The following LRRK1 variants were observed in gnomAD, a reference collection of about 807,000 sequenced individuals.
The protein encoded by LRRK1 is leucine-rich repeat serine/threonine-protein kinase 1.
A neutral mutation model predicts 209.1 loss-of-function variants in LRRK1; 113 were observed. The observed-to-expected ratio is 0.54, with a 90% confidence interval of 0.46 to 0.63. LRRK1 has a LOEUF of 0.63. Ranked by LOEUF, LRRK1 falls within the 30% of genes least tolerant of loss-of-function variation. The pLI is 0.00. For synonymous variants in LRRK1, 1,144 were observed against 1,099.7 expected (o/e 1.04, Z -0.80); for missense variants, 2,284 against 2,632.2 (o/e 0.87, Z 2.89).
Position 101,049,641 on chromosome 15 carries a change from C to T in LRRK1, c.3300-3C>T. 1 of 1,613,244 alleles carries T rather than the reference C, an allele frequency of 6.2e-7. No individual in the cohort carries two copies. Among genetic ancestry groups the T allele is most frequent in the South Asian group, 1.1e-5 (1 of 90,924 alleles). On this transcript the variant is annotated splice_polypyrimidine_tract_variant and splice_region_variant and intron_variant, in intron 22 of 33. Coordinates refer to ENST00000388948, the MANE Select transcript of LRRK1 (RefSeq NM_024652.6). ...TGGGCTCCTTTTGGTCTCTGGATTG[C>T]AGTGTGGAATCTTCCGACGTGAACT...
intron 12 of LRRK1, among the ~76,000 whole-genome samples, chr15:101,018,636 T>C (rs374283578): frequency 5.9e-5 from 9 of 152,238 alleles, no homozygotes; most frequent in African/African-American, 2.2e-4. Flanking sequence ...AAAAGCACCA[T>C]AGGACTACGC....
In LRRK1 at chr15:101,035,921, G is replaced by T. The variant is rs74473392; in HGVS notation, c.2963+6689G>T. ...GGATCCCTTGAGCAGTTCTTATAGG[G>T]CCAGTCTATTAGTGACATAAGGTTT... On this transcript the variant is annotated intron_variant, in intron 20 of 33. Coordinates refer to ENST00000388948, the MANE Select transcript of LRRK1 (RefSeq NM_024652.6). Among the ~76,000 whole-genome samples the T allele has an allele frequency of 7.2e-4, 109 of 152,220 alleles. 3 individuals carry two copies. In the East Asian group the frequency reaches 0.019, roughly 27 times the overall value.
At chr15:101,052,282 C>T (rs911722971) in intron 24 of LRRK1, among the ~76,000 whole-genome samples, 5 of 152,252 alleles carry the variant, frequency 3.3e-5, no homozygotes, top group African/African-American at 7.2e-5. Flanking sequence ...CTCCTTTCCA[C>T]TCCTACCTCC....
intron 6 of LRRK1, among the ~76,000 whole-genome samples, chr15:101,007,528 C>T (rs766564413): frequency 1.5e-4 from 23 of 152,230 alleles, no homozygotes; most frequent in Non-Finnish European, 3.1e-4. Flanking sequence ...GGAGCAAAGA[C>T]ATTTTGTTTA....
chr15:100,929,427 T>C (rs1211665051), intron 2 of LRRK1, among the ~76,000 whole-genome samples: 1 of 152,242 alleles, frequency 6.6e-6, no homozygotes, highest in Non-Finnish European at 1.5e-5. Flanking sequence ...GGTTGTTTCA[T>C]GGCTACTTCC....
rs368564873 is a variant in LRRK1, at chr15:101,024,012, C to T, written c.2068-791C>T. ...CTAGCTGAGGCCTGAGGGGTGAATT[C>T]GTGCTTCTATTTTTCCTGACCTTCA... On this transcript the variant is annotated intron_variant, in intron 15 of 33. Transcript: ENST00000388948. This position sits in a 1 kb window ranked among gnomAD's most constrained non-coding sequence, Gnocchi z 4.6. Among the ~76,000 whole-genome samples, 39 of 152,120 alleles carry T rather than the reference C, an allele frequency of 2.6e-4. No individual in the cohort carries two copies. Among genetic ancestry groups the T allele is most frequent in the East Asian group, 5.8e-4 (3 of 5,194 alleles).
Position 101,045,907 on chromosome 15 carries a change from C to T in LRRK1, c.2964-74C>T, listed in dbSNP as rs2035049029. The T allele has an allele frequency of 2.3e-6, 3 of 1,297,976 alleles. No homozygotes were observed. The Admixed American group carries it at 5.3e-5, about 23-fold the overall frequency. The allele number at this position is 1,297,976 out of a possible 1,614,324, so 80.4% of individuals were successfully genotyped here. On this transcript the variant is annotated intron_variant, in intron 20 of 33. Transcript: ENST00000388948. ...CAGCACAGCCTGTCCCCAGATCAGG[C>T]CATCTGCTGGGGTCAGGGCCCTGCA...
Position 100,988,728 on chromosome 15 carries a change from C to T in LRRK1, c.528C>T (p.His176=), listed in dbSNP as rs373692571. 1.3e-4 allele frequency: 204 copies of T among 1,614,046 alleles called. No homozygotes were observed. Among genetic ancestry groups the T allele is most frequent in the South Asian group, 2.4e-4 (22 of 91,086 alleles). The change falls in exon 5 of 34, where the codon CAC becomes CAT. Residue 176 remains histidine (H), a synonymous_variant. Coordinates refer to ENST00000388948, the MANE Select transcript of LRRK1 (RefSeq NM_024652.6). ...LGVVKLLVLT[H]GADPESYAVR... is the part of the protein sequence containing the mutation. ...TTGTGAAGCTCCTGGTCCTGACGCA[C>T]GGGGCTGACCCGGAGAGCTACGCTG...
intron 29 of LRRK1, 87 bp downstream of exon 29, chr15:101,058,228 A>C: frequency 7.3e-7 from 1 of 1,367,476 alleles, no homozygotes; most frequent in East Asian, 2.4e-5. Context: ...TGTTGACCAC[A>C]GTGAGAATTA....
rs1380971459 is a variant in LRRK1, at chr15:101,075,448, C to G, written c.*6600C>G. 8.3e-6 allele frequency: 1 copy of G among 120,746 alleles called. No homozygotes were observed. Among genetic ancestry groups the G allele is most frequent in the Non-Finnish European group, 1.7e-5 (1 of 59,630 alleles). The allele number at this position is 120,746 out of a possible 1,614,324, so 7.5% of individuals were successfully genotyped here. On this transcript the variant is annotated 3_prime_UTR_variant, in exon 34 of 34. Coordinates refer to ENST00000388948, the MANE Select transcript of LRRK1 (RefSeq NM_024652.6). ...CTTAACCCATAAGTATAAGATACCTCTACTCCCTCCTTGGTGACCGATCAT... is the reference window on the plus strand; with the variant it reads ...CTTAACCCATAAGTATAAGATACCTGTACTCCCTCCTTGGTGACCGATCAT...
rs2141712861 is a variant in LRRK1, at chr15:101,024,037, A to AC, written c.2068-761dup. The stretch of plus-strand genomic sequence containing the variant: ...CGTGCTTCTATTTTTCCTGACCTTC[A>AC]CCCCCACTTCCTTTCTGCGATGATT... On this transcript the variant is annotated intron_variant, in intron 15 of 33. Transcript: ENST00000388948. The surrounding 1 kb of genome is among the most constrained non-coding windows in gnomAD (Gnocchi z 4.6). 6.6e-6 allele frequency among the ~76,000 whole-genome samples: 1 copy of AC among 150,436 alleles called. No homozygotes were observed. Among genetic ancestry groups the AC allele is most frequent in the African/African-American group, 2.5e-5 (1 of 40,726 alleles).
chr15:101,061,085 A>T, intron 29 of LRRK1, 86 bp from the exon 30 acceptor site: 1 of 980,336 alleles, frequency 1.0e-6, no homozygotes, highest in South Asian at 1.4e-5. Flanking sequence ...GAGGTAGACG[A>T]GGCTCGCAGC....
intron 10 of LRRK1, among the ~76,000 whole-genome samples, chr15:101,013,574 G>A (rs574893395): frequency 1.9e-4 from 29 of 152,162 alleles, no homozygotes; most frequent in South Asian, 1.0e-3. Flanking sequence ...TGATCACACC[G>A]CTGCACTCCA....
chr15:101,066,590 G>A (rs1247132503), intron 32 of LRRK1, 50 bp from the exon 33 acceptor site: 4 of 1,559,040 alleles, frequency 2.6e-6, no homozygotes, highest in Non-Finnish European at 2.7e-6. Context: ...ACTCCCCGGA[G>A]AGCACGGCTA....
intron 11 of LRRK1, among the ~76,000 whole-genome samples, chr15:101,014,874 C>T (rs2033454008): frequency 6.6e-6 from 1 of 152,174 alleles, no homozygotes; most frequent in South Asian, 2.1e-4. Flanking sequence ...GGGAAACAGC[C>T]CCTAATGGTG....
chr15:101,042,002 A>G (rs2034783787), intron 20 of LRRK1, among the ~76,000 whole-genome samples: 1 of 152,206 alleles, frequency 6.6e-6, no homozygotes, highest in Non-Finnish European at 1.5e-5. Flanking sequence ...AACTGCAGAT[A>G]AGGGAGGACT....
At chr15:101,055,439 A>C (rs1475897586) in intron 27 of LRRK1, among the ~76,000 whole-genome samples, 2 of 152,172 alleles carry the variant, frequency 1.3e-5, no homozygotes, top group Admixed American at 6.5e-5. Flanking sequence ...ACTTCTCCTT[A>C]GCATCAGCCT....
intron 20 of LRRK1, among the ~76,000 whole-genome samples, chr15:101,030,386 T>G (rs1197176578): frequency 6.6e-6 from 1 of 152,150 alleles, no homozygotes; most frequent in African/African-American, 2.4e-5. Context: ...TCCATGCAGC[T>G]TTGGGGTCCT....
chr15:101,062,548 C>T, intron 30 of LRRK1, 26 bp from the exon 31 acceptor site: 1 of 1,493,220 alleles, frequency 6.7e-7, no homozygotes, highest in Non-Finnish European at 9.3e-7. Context: ...GCCTGGGTCT[C>T]ACAGTGGACC....
Sources: gnomAD v4.1 joint callset for allele counts (sites outside exome capture counted in the v4.1 genomes callset) on GRCh38, gnomAD v4.1.1 for gene constraint, Gnocchi (gnomAD v3.1) non-coding constraint, MANE v1.5 for transcripts, NCBI Gene and HGNC (gene_info 2026-07-23, HGNC 2026-07-21) for gene names.